The following BBS9 variants were observed in gnomAD, a reference collection of about 807,000 sequenced individuals.
The protein encoded by BBS9 is protein PTHB1.
In BBS9, 89 loss-of-function variants were observed where a neutral mutation model predicts 117.7. The observed-to-expected ratio is 0.76, with a 90% CI of 0.64 to 0.90. The LOEUF (loss-of-function observed/expected upper bound fraction) is 0.90, where lower values mean the gene tolerates loss of function less well. BBS9 is among the 40% of genes least tolerant of loss of function. BBS9 has a pLI of 0.00. For synonymous variants in BBS9, 379 were observed against 370.9 expected (o/e 1.02, Z -0.25); for missense variants, 982 against 1,042.2 (o/e 0.94, Z 0.80).
intron 17 of BBS9, among the ~76,000 whole-genome samples, chr7:33,368,378 T>G (rs1166322171): frequency 6.6e-6 from 1 of 152,246 alleles, no homozygotes; most frequent in African/African-American, 2.4e-5. Context: ...TAGTCAAGTT[T>G]GAATTTAAAT....
chr7:33,192,308 A>C (rs1472428814), intron 5 of BBS9, among the ~76,000 whole-genome samples: 4 of 152,226 alleles, frequency 2.6e-5, no homozygotes, highest in African/African-American at 9.6e-5. Context: ...AGAAGACAGA[A>C]AAAAATCTGC....
intron 19 of BBS9, among the ~76,000 whole-genome samples, chr7:33,424,624 A>G (rs1833378563): frequency 6.6e-6 from 1 of 152,226 alleles, no homozygotes; most frequent in South Asian, 2.1e-4. Flanking sequence ...AAATATCTAA[A>G]AAAAGCACAT....
chr7:33,313,213 C>A (rs1043070810), intron 9 of BBS9, among the ~76,000 whole-genome samples: 2 of 151,872 alleles, frequency 1.3e-5, no homozygotes, highest in Non-Finnish European at 2.9e-5. Context: ...TGGTCTTCTC[C>A]TTTGTTTATT....
intron 19 of BBS9, among the ~76,000 whole-genome samples, chr7:33,394,069 C>A (rs992730636): frequency 2.6e-5 from 4 of 152,080 alleles, no homozygotes; most frequent in African/African-American, 9.7e-5. Flanking sequence ...TGGAGGCCAA[C>A]CTAAGGTTGA....
chr7:33,276,627 A>G (rs1800825202), intron 9 of BBS9, among the ~76,000 whole-genome samples: 1 of 152,192 alleles, frequency 6.6e-6, no homozygotes. Context: ...GAACACCAAT[A>G]TCTAGTCATC....
intron 9 of BBS9, among the ~76,000 whole-genome samples, chr7:33,325,823 C>T (rs1182436510): frequency 6.6e-6 from 1 of 152,102 alleles, no homozygotes; most frequent in Non-Finnish European, 1.5e-5. Context: ...CTTCCCTTAC[C>T]TTTTCCCCAA....
chr7:33,560,473 A>T (rs1479549632), intron 21 of BBS9, among the ~76,000 whole-genome samples: 1 of 152,226 alleles, frequency 6.6e-6, no homozygotes, highest in Non-Finnish European at 1.5e-5. Context: ...TGCATTCATT[A>T]ACTATTATAA....
intron 20 of BBS9, 51 bp from the exon 21 acceptor site, chr7:33,533,903 C>A: frequency 2.5e-6 from 4 of 1,593,244 alleles, no homozygotes; most frequent in Non-Finnish European, 3.4e-6. Context: ...CAAGTGCCCA[C>A]TTTTCTTATT....
chr7:33,423,649 T>C (rs989073642), intron 19 of BBS9, among the ~76,000 whole-genome samples: 3 of 152,116 alleles, frequency 2.0e-5, no homozygotes, highest in African/African-American at 7.2e-5. Context: ...AGGAAATAAA[T>C]TAAAGGCCTG....
At chr7:33,208,037 G>C (rs1366527725) in intron 5 of BBS9, among the ~76,000 whole-genome samples, 1 of 152,112 alleles carries the variant, frequency 6.6e-6, no homozygotes, top group Non-Finnish European at 1.5e-5. Flanking sequence ...TTGAACTCCT[G>C]ACCTCAGGTG....
intron 4 of BBS9, among the ~76,000 whole-genome samples, chr7:33,164,206 T>C (rs1198732424): frequency 6.6e-6 from 1 of 152,244 alleles, no homozygotes; most frequent in Non-Finnish European, 1.5e-5. Flanking sequence ...CAGTTTGTTA[T>C]GATTTCTGTT....
At chr7:33,413,041 A>AT (rs1193786097) in intron 19 of BBS9, among the ~76,000 whole-genome samples, 1 of 152,190 alleles carries the variant, frequency 6.6e-6, no homozygotes, top group African/African-American at 2.4e-5. Flanking sequence ...AAAAAGAGTC[A>AT]TTTTTTACTA....
chr7:33,371,721 A>T (rs941917867), intron 17 of BBS9, among the ~76,000 whole-genome samples: 7 of 152,140 alleles, frequency 4.6e-5, no homozygotes, highest in Non-Finnish European at 1.0e-4. Flanking sequence ...TTGATAATGT[A>T]TAAATCTGAA....
intron 4 of BBS9, among the ~76,000 whole-genome samples, chr7:33,156,161 C>T (rs1311376823): frequency 6.6e-6 from 1 of 152,182 alleles, no homozygotes; most frequent in Non-Finnish European, 1.5e-5. Context: ...CTCAGTCAGG[C>T]TTCATCAGGT....
At chr7:33,602,330 G>T (rs372128284) in intron 21 of BBS9, among the ~76,000 whole-genome samples, 1 of 152,152 alleles carries the variant, frequency 6.6e-6, no homozygotes. Flanking sequence ...TGATGCACCC[G>T]CTGGGCAGGA....
intron 5 of BBS9, among the ~76,000 whole-genome samples, chr7:33,188,813 G>A (rs71534348): frequency 0.15 from 22,071 of 152,072 alleles, 1,930 homozygotes; most frequent in South Asian, 0.22. Context: ...AGAAGAAATG[G>A]AAATCCCAAA....
chr7:33,580,562 C>G (rs538719979), intron 21 of BBS9, among the ~76,000 whole-genome samples: 1 of 152,204 alleles, frequency 6.6e-6, no homozygotes, highest in South Asian at 2.1e-4. Context: ...TAAGTGATGA[C>G]TACCCATATG....
At chr7:33,585,316 G>A (rs984575323) in intron 21 of BBS9, among the ~76,000 whole-genome samples, 3 of 152,058 alleles carry the variant, frequency 2.0e-5, no homozygotes, top group Non-Finnish European at 4.4e-5. Flanking sequence ...TAGGTGTTGA[G>A]GATATGGAGT....
chr7:33,245,434 A>G (rs1482383204), intron 5 of BBS9, among the ~76,000 whole-genome samples: 1 of 152,154 alleles, frequency 6.6e-6, no homozygotes, highest in East Asian at 1.9e-4. Flanking sequence ...ACTCTGTAAT[A>G]ATTTTGAATC....
Sources: allele counts gnomAD v4.1 joint callset (sites outside exome capture counted in the v4.1 genomes callset), GRCh38; gene constraint gnomAD v4.1.1; transcripts MANE v1.5; gene names NCBI Gene and HGNC (gene_info 2026-07-23, HGNC 2026-07-21).